ANTXR1: variants seen among roughly 807,000 people sequenced by gnomAD.
The protein encoded by ANTXR1 is anthrax toxin receptor 1.
Under a neutral mutation model 78.1 loss-of-function variants are expected in ANTXR1, and 19 were observed. That is an observed-to-expected ratio of 0.24 (90% CI 0.17 to 0.36). The LOEUF (loss-of-function observed/expected upper bound fraction) is 0.36, where lower values mean the gene tolerates loss of function less well. Ranked by LOEUF, ANTXR1 falls within the 10% of genes least tolerant of loss-of-function variation. The probability of loss-of-function intolerance (pLI) is 1.00; values close to 1 mark genes in which losing one functional copy is unlikely to be tolerated. For missense variants in ANTXR1, 518 were observed against 718.6 expected, an observed-to-expected ratio of 0.72 and a Z score of 3.19; for synonymous variants, 273 against 260.5, an observed-to-expected ratio of 1.05 and a Z score of -0.46.
intron 17 of ANTXR1, 49 bp downstream of exon 17, chr2:69,193,464 TACACACAC>T: frequency 4.7e-6 from 5 of 1,073,642 alleles, no homozygotes; most frequent in Admixed American, 3.5e-5. Flanking sequence ...CTCTCTCACA[TACACACAC>T]ACACACACAC....
At chr2:69,091,112 G>A (rs1351992539) in intron 9 of ANTXR1, among the ~76,000 whole-genome samples, 193 bp downstream of exon 9, 1 of 137,192 alleles carries the variant, frequency 7.3e-6, no homozygotes, top group Non-Finnish European at 1.6e-5. Context: ...TCAGTTGTTT[G>A]GAAGTTAAAA....
At chr2:69,134,451 G>A (rs1369403070) in intron 12 of ANTXR1, among the ~76,000 whole-genome samples, 2 of 152,142 alleles carry the variant, frequency 1.3e-5, no homozygotes, top group Non-Finnish European at 1.5e-5. Context: ...GCTGCATTGG[G>A]TGGGAATGAG....
At chr2:69,066,301 A>G (rs995084198) in intron 3 of ANTXR1, among the ~76,000 whole-genome samples, 6 of 150,136 alleles carry the variant, frequency 4.0e-5, no homozygotes, top group Admixed American at 3.3e-4. Context: ...TCTTTCTTTT[A>G]TTTATTTTTT....
chr2:69,245,624 C>G lies in ANTXR1; in HGVS notation c.*139C>G. The G allele has an allele frequency of 8.5e-7, 1 of 1,180,018 alleles. No homozygotes were observed. Among genetic ancestry groups the G allele is most frequent in the Non-Finnish European group, 1.2e-6 (1 of 836,718 alleles). The allele number at this position is 1,180,018 out of a possible 1,614,324, so 73.1% of individuals were successfully genotyped here. On this transcript the variant is annotated 3_prime_UTR_variant, in exon 18 of 18. Transcript: ENST00000303714. ...AAAATTGGTTGGCAATGCCAGTATA[C>G]CAACAATCATGATCAGCTGAAAGAA...
intron 13 of ANTXR1, among the ~76,000 whole-genome samples, chr2:69,163,462 T>G (rs1168595146): frequency 6.6e-6 from 1 of 152,136 alleles, no homozygotes; most frequent in Non-Finnish European, 1.5e-5. Flanking sequence ...GTGAGTTCCA[T>G]TCTCCTTTCT....
intron 17 of ANTXR1, among the ~76,000 whole-genome samples, chr2:69,234,007 G>A (rs1168321918): frequency 1.3e-5 from 2 of 152,102 alleles, no homozygotes; most frequent in African/African-American, 4.8e-5. Flanking sequence ...CACAAATTTG[G>A]AATGTGCTAT....
intron 17 of ANTXR1, among the ~76,000 whole-genome samples, chr2:69,238,606 T>C (rs895699633): frequency 5.9e-5 from 9 of 152,188 alleles, no homozygotes; most frequent in African/African-American, 2.2e-4. Flanking sequence ...TTTACAAGAA[T>C]GATTTAAGTT....
intron 17 of ANTXR1, among the ~76,000 whole-genome samples, chr2:69,196,942 GC>G (rs1674679389): frequency 6.6e-6 from 1 of 152,096 alleles, no homozygotes; most frequent in Non-Finnish European, 1.5e-5. Flanking sequence ...CTGCTGAAAG[GC>G]CTCCAGCTCA....
intron 12 of ANTXR1, among the ~76,000 whole-genome samples, chr2:69,126,807 C>A (rs548553852): frequency 6.6e-6 from 1 of 152,344 alleles, no homozygotes; most frequent in Admixed American, 6.5e-5. Context: ...TCCCAACCCA[C>A]GGCAGCCTCC....
intron 17 of ANTXR1, among the ~76,000 whole-genome samples, chr2:69,197,523 G>A (rs889959049): frequency 3.9e-5 from 6 of 152,144 alleles, no homozygotes; most frequent in African/African-American, 1.4e-4. Context: ...CCTTTGCTAG[G>A]TTTCTCTGCT....
chr2:69,065,402 G>A (rs1315015848), intron 3 of ANTXR1, among the ~76,000 whole-genome samples: 2 of 119,466 alleles, frequency 1.7e-5, no homozygotes, highest in Non-Finnish European at 3.1e-5. Flanking sequence ...TCCAGCCTGG[G>A]TGACAAAGCA....
intron 12 of ANTXR1, among the ~76,000 whole-genome samples, chr2:69,139,748 A>G (rs951385784): frequency 6.6e-6 from 1 of 152,222 alleles, no homozygotes; most frequent in Non-Finnish European, 1.5e-5. Context: ...ATAATAGGTA[A>G]CGGTGATGCC....
Position 69,013,751 on chromosome 2 carries a change from G to T in ANTXR1, c.152+100G>T, listed in dbSNP as rs571825705. 3 of 1,532,904 alleles carry T rather than the reference G, an allele frequency of 2.0e-6. No individual in the cohort carries two copies. Among genetic ancestry groups the T allele is most frequent in the Non-Finnish European group, 2.7e-6 (3 of 1,131,642 alleles). 95.0% of individuals were successfully genotyped at this position (1,532,904 alleles called of 1,614,324 possible). ...GGCAGGGTCGCCTGGGGACAGGAGC[G>T]CATCTCCAGGGCCACAGAGGGACCG... On this transcript the variant is annotated intron_variant, in intron 1 of 17. Transcript: ENST00000303714. The surrounding 1 kb of genome is among the most constrained non-coding windows in gnomAD (Gnocchi z 5.0).
chr2:69,224,581 G>T (rs1675396827), intron 17 of ANTXR1, among the ~76,000 whole-genome samples: 1 of 151,984 alleles, frequency 6.6e-6, no homozygotes, highest in South Asian at 2.1e-4. Flanking sequence ...TCCCTAGGGA[G>T]AGAGCCTGCA....
At chr2:69,100,610 T>C (rs1391824325) in intron 9 of ANTXR1, among the ~76,000 whole-genome samples, 5 of 152,306 alleles carry the variant, frequency 3.3e-5, no homozygotes, top group African/African-American at 1.2e-4. Flanking sequence ...ATTTCCACAG[T>C]CTTCTCTTCC....
intron 14 of ANTXR1, among the ~76,000 whole-genome samples, chr2:69,178,419 T>C (rs1300385824): frequency 1.3e-5 from 2 of 151,790 alleles, no homozygotes; most frequent in East Asian, 3.9e-4. Context: ...CGCGGCAGCG[T>C]GTGGAGATTG....
At chr2:69,128,338 T>A (rs904698339) in intron 12 of ANTXR1, among the ~76,000 whole-genome samples, 1 of 152,218 alleles carries the variant, frequency 6.6e-6, no homozygotes, top group African/African-American at 2.4e-5. Flanking sequence ...AAATAATATT[T>A]GTAAAGTATT....
chr2:69,114,771 T>C (rs546232801), intron 10 of ANTXR1, among the ~76,000 whole-genome samples: 133 of 152,246 alleles, frequency 8.7e-4, no homozygotes, highest in African/African-American at 3.0e-3. Flanking sequence ...TAAGAAAACC[T>C]GGACCCATTC....
intron 17 of ANTXR1, among the ~76,000 whole-genome samples, chr2:69,196,515 G>A (rs1032108066): frequency 2.0e-5 from 3 of 152,038 alleles, no homozygotes; most frequent in Non-Finnish European, 4.4e-5. Context: ...AATTCCAGGC[G>A]AGGCAGGGGG....
Sources: gnomAD v4.1 joint callset for allele counts (sites outside exome capture counted in the v4.1 genomes callset) on GRCh38, gnomAD v4.1.1 for gene constraint, Gnocchi (gnomAD v3.1) non-coding constraint, MANE v1.5 for transcripts, NCBI Gene and HGNC (gene_info 2026-07-23, HGNC 2026-07-21) for gene names.